KDM4B: variants seen among roughly 807,000 people sequenced by gnomAD.
KDM4B encodes the protein lysine-specific demethylase 4B.
In KDM4B, 32 loss-of-function variants were observed where a neutral mutation model predicts 125.2. The observed-to-expected ratio is 0.26, with a 90% CI of 0.19 to 0.34. The LOEUF (loss-of-function observed/expected upper bound fraction) is 0.34. Ranked by LOEUF, KDM4B falls within the 10% of genes least tolerant of loss-of-function variation. The pLI is 1.00. For synonymous variants in KDM4B, 721 were observed against 677.9 expected, an observed-to-expected ratio of 1.06 and a Z score of -0.99; for missense variants, 1,190 against 1,577.7, an observed-to-expected ratio of 0.75 and a Z score of 4.16.
intron 1 of KDM4B, among the ~76,000 whole-genome samples, chr19:5,006,190 C>A (rs1195105303): frequency 6.6e-6 from 1 of 152,070 alleles, no homozygotes; most frequent in Non-Finnish European, 1.5e-5. Context: ...TGGCTCCCCG[C>A]AGCCTCTCCC....
intron 6 of KDM4B, among the ~76,000 whole-genome samples, chr19:5,057,066 G>GTGTGTGTGCA (rs60055348): frequency 3.2e-4 from 18 of 55,882 alleles, no homozygotes; most frequent in Non-Finnish European, 1.7e-4. Flanking sequence ...GTGTGTGTGT[G>GTGTGTGTGCA]CGCGCGCGCG....
intron 7 of KDM4B, 169 bp from the exon 8 acceptor site, chr19:5,077,198 C>T (rs1438944798): frequency 3.1e-6 from 2 of 652,292 alleles, no homozygotes; most frequent in East Asian, 5.1e-5. Flanking sequence ...TCCCCCCGAC[C>T]TGCAGGCACT....
chr19:4,994,623 T>C (rs1279159517), intron 1 of KDM4B, among the ~76,000 whole-genome samples: 2 of 146,840 alleles, frequency 1.4e-5, no homozygotes, highest in African/African-American at 2.5e-5. Context: ...TAGTATAGTA[T>C]ATAGTTGGAT....
chr19:4,979,330 T>C (rs1166528050), intron 1 of KDM4B, among the ~76,000 whole-genome samples: 1 of 152,148 alleles, frequency 6.6e-6, no homozygotes, highest in African/African-American at 2.4e-5. Flanking sequence ...GGCAGTGCAG[T>C]GCGCCGGGAG....
At chr19:5,055,213 C>A (rs1024078093) in intron 6 of KDM4B, among the ~76,000 whole-genome samples, 2 of 152,224 alleles carry the variant, frequency 1.3e-5, no homozygotes, top group African/African-American at 4.8e-5. Context: ...GAACACCTCT[C>A]GGCCAGGGTG....
chr19:5,080,893 A>G (rs539125850), intron 8 of KDM4B: 1 of 152,394 alleles, frequency 6.6e-6, no homozygotes, highest in African/African-American at 2.4e-5. Context: ...CCTGGTGCAC[A>G]GGACAGTGGG....
At chr19:5,041,506 T>G (rs1277450413) in intron 5 of KDM4B, among the ~76,000 whole-genome samples, 1 of 152,154 alleles carries the variant, frequency 6.6e-6, no homozygotes, top group African/African-American at 2.4e-5. Flanking sequence ...ACCTCTGGCC[T>G]CAGCAGCCGG....
At position 5,014,400 on chromosome 19, in the gene KDM4B, C is replaced by T. The variant is rs2035825973; in HGVS notation, c.-108-1857C>T. On this transcript the variant is annotated intron_variant, in intron 1 of 22. Transcript: ENST00000159111. ...CACGCCATTCTCCTGCCTCAGCCTCCCGAGTAGCTGGGACTGCAGGCGCCC... is the reference window on the plus strand; with the variant it reads ...CACGCCATTCTCCTGCCTCAGCCTCTCGAGTAGCTGGGACTGCAGGCGCCC... Among the ~76,000 whole-genome samples the T allele has an allele frequency of 2.6e-5, 4 of 152,280 alleles. No individual in the cohort carries two copies. In the South Asian group the frequency reaches 8.3e-4, roughly 32 times the overall value.
At chr19:4,988,906 C>G (rs1400226623) in intron 1 of KDM4B, among the ~76,000 whole-genome samples, 1 of 152,156 alleles carries the variant, frequency 6.6e-6, no homozygotes, top group Non-Finnish European at 1.5e-5. Context: ...CCCCTCCCGT[C>G]CAGCCTGGGT....
intron 6 of KDM4B, among the ~76,000 whole-genome samples, chr19:5,065,969 C>G (rs2037757840): frequency 6.6e-6 from 1 of 152,238 alleles, no homozygotes; most frequent in African/African-American, 2.4e-5. Context: ...CATCCCCACC[C>G]TCTGGTCTCG....
At chr19:5,145,368 G>A (rs1283945329) in intron 21 of KDM4B, among the ~76,000 whole-genome samples, 1 of 152,170 alleles carries the variant, frequency 6.6e-6, no homozygotes, top group Non-Finnish European at 1.5e-5. Context: ...ATCACTTGAG[G>A]TCAGGAGTTC....
At chr19:4,980,965 C>T (rs1460402013) in intron 1 of KDM4B, among the ~76,000 whole-genome samples, 2 of 151,828 alleles carry the variant, frequency 1.3e-5, no homozygotes, top group Non-Finnish European at 2.9e-5. Flanking sequence ...GCGGGGTCAG[C>T]TTGGCGGATG....
At chr19:4,993,852 TC>T (rs1342195988) in intron 1 of KDM4B, among the ~76,000 whole-genome samples, 1 of 152,026 alleles carries the variant, frequency 6.6e-6, no homozygotes, top group Non-Finnish European at 1.5e-5. Context: ...ACTCAAGTGA[TC>T]CTCCCACCTT....
Position 5,039,940 on chromosome 19 carries a change from C to T in KDM4B, c.246C>T (p.Leu82=), listed in dbSNP as rs773015575. ...IQQVVTGQSG[L]FTQYNIQKKA... is the part of the protein sequence containing the mutation. ...AGGTGGTGACGGGCCAGTCGGGCCT[C>T]TTCACGCAGTACAATATCCAGAAGA... Residue 82 remains leucine, a synonymous_variant, in exon 4 of 23, where the codon CTC becomes CTT. Coordinates refer to ENST00000159111, the MANE Select transcript of KDM4B (RefSeq NM_015015.3). The T allele has an allele frequency of 1.7e-5, 28 of 1,613,010 alleles. No individual in the cohort carries two copies. The Middle Eastern group carries it at 6.6e-4, about 38-fold the overall frequency.
Position 5,110,686 on chromosome 19 carries a change from A to G in KDM4B, c.983A>G (p.Glu328Gly). 1 of 1,612,992 alleles carries G rather than the reference A, an allele frequency of 6.2e-7. No homozygotes were observed. Among genetic ancestry groups the G allele is most frequent in the Non-Finnish European group, 8.5e-7 (1 of 1,179,898 alleles). The change falls in exon 10 of 23, where the codon GAG becomes GGG. Residue 328 changes from glutamate to glycine, a missense_variant. By Grantham distance (98) the Glu-to-Gly change is moderately conservative. Transcript: ENST00000159111. Reference sequence around the variant, plus strand: ...GTGTTCGTGCGCATCCTGCAGCCCGAGCGCTACGAGCTGTGGAAGCAGGGC... The same window carrying G: ...GTGTTCGTGCGCATCCTGCAGCCCGGGCGCTACGAGCTGTGGAAGCAGGGC... ...MDVFVRILQP[E>G]RYELWKQGKD...
intron 5 of KDM4B, among the ~76,000 whole-genome samples, chr19:5,042,822 C>A (rs1243873184): frequency 6.6e-6 from 1 of 151,782 alleles, no homozygotes; most frequent in Non-Finnish European, 1.5e-5. Flanking sequence ...CACCCGGCCC[C>A]ACCGCCGACA....
At chr19:5,127,701 C>T (rs1345985298) in intron 11 of KDM4B, among the ~76,000 whole-genome samples, 1 of 152,208 alleles carries the variant, frequency 6.6e-6, no homozygotes, top group Non-Finnish European at 1.5e-5. Context: ...GACTTGGGGC[C>T]ATCCCTGTCC....
At chr19:5,077,280 A>G (rs2038147067) in intron 7 of KDM4B, 87 bp from the exon 8 acceptor site, 1 of 1,152,832 alleles carries the variant, frequency 8.7e-7, no homozygotes, top group African/African-American at 1.5e-5. Flanking sequence ...CATGGGAGGA[A>G]AGAGCCAGCC....
intron 1 of KDM4B, among the ~76,000 whole-genome samples, chr19:4,999,526 G>A (rs1461350586): frequency 6.6e-6 from 1 of 152,144 alleles, no homozygotes; most frequent in Non-Finnish European, 1.5e-5. Context: ...CTACTGGGGT[G>A]TCTTTGCTTC....
Sources: allele counts gnomAD v4.1 joint callset (sites outside exome capture counted in the v4.1 genomes callset), GRCh38; gene constraint gnomAD v4.1.1; transcripts MANE v1.5; gene names NCBI Gene and HGNC (gene_info 2026-07-23, HGNC 2026-07-21).